The following GRID2 variants were observed in gnomAD, a reference collection of about 807,000 sequenced individuals.
The protein encoded by GRID2 is glutamate receptor ionotropic, delta-2.
Under a neutral mutation model 114.8 loss-of-function variants are expected in GRID2, and 33 were observed. The observed-to-expected ratio is 0.29, with a 90% confidence interval of 0.22 to 0.38. The LOEUF is 0.38. Among genes scored for constraint, GRID2 ranks in the 10% least tolerant of loss-of-function variants. GRID2 has a pLI of 1.00. For missense variants in GRID2, 1,184 were observed against 1,257.7 expected, an observed-to-expected ratio of 0.94 and a Z score of 0.89; for synonymous variants, 505 against 449.9, an observed-to-expected ratio of 1.12 and a Z score of -1.55.
intron 13 of GRID2, among the ~76,000 whole-genome samples, chr4:93,570,419 A>G (rs1188029133): frequency 1.3e-5 from 2 of 152,192 alleles, no homozygotes; most frequent in Admixed American, 6.6e-5. Context: ...AAGCTAAGTA[A>G]GATAAGTGGA....
intron 2 of GRID2, among the ~76,000 whole-genome samples, chr4:93,025,688 A>G (rs1723820816): frequency 6.6e-6 from 1 of 151,770 alleles, no homozygotes; most frequent in African/African-American, 2.4e-5. Flanking sequence ...AAGTAGCTTA[A>G]GAAGAATAAA....
intron 1 of GRID2, among the ~76,000 whole-genome samples, chr4:92,439,580 A>G (rs1732920053): frequency 6.7e-6 from 1 of 149,176 alleles, no homozygotes; most frequent in Admixed American, 6.7e-5. Context: ...AGCTGAAGGG[A>G]GGTCTTGTGG....
intron 4 of GRID2, among the ~76,000 whole-genome samples, chr4:93,145,671 T>C (rs1458191554): frequency 7.2e-6 from 1 of 139,306 alleles, no homozygotes; most frequent in African/African-American, 2.7e-5. Context: ...TTTTTTTTTT[T>C]TTTTAGTAGA....
chr4:92,597,849 A>G (rs2149216741), intron 2 of GRID2, among the ~76,000 whole-genome samples: 1 of 152,350 alleles, frequency 6.6e-6, no homozygotes, highest in Admixed American at 6.5e-5. Flanking sequence ...GTAATGAGAG[A>G]TCATTATGTA....
chr4:93,135,596 G>A (rs1008852207), intron 4 of GRID2, among the ~76,000 whole-genome samples: 3 of 152,032 alleles, frequency 2.0e-5, no homozygotes, highest in Non-Finnish European at 4.4e-5. Context: ...AATTAATAAA[G>A]GCTCCCAACT....
At chr4:93,096,705 C>T (rs1323456071) in intron 3 of GRID2, among the ~76,000 whole-genome samples, 1 of 152,008 alleles carries the variant, frequency 6.6e-6, no homozygotes, top group Non-Finnish European at 1.5e-5. Context: ...AATTGCACCT[C>T]TGATACTTTG....
intron 2 of GRID2, among the ~76,000 whole-genome samples, chr4:92,946,113 G>C (rs1319962533): frequency 6.6e-6 from 1 of 152,026 alleles, no homozygotes; most frequent in African/African-American, 2.4e-5. Context: ...ATATTTTCTA[G>C]TCCATATTCT....
chr4:93,666,763 T>G (rs1048240710), intron 14 of GRID2, among the ~76,000 whole-genome samples: 3 of 152,048 alleles, frequency 2.0e-5, no homozygotes, highest in African/African-American at 7.2e-5. Flanking sequence ...TAAGACTAAG[T>G]AGCTTCTCAG....
chr4:92,682,123 A>G (rs902180780), intron 2 of GRID2, among the ~76,000 whole-genome samples: 1 of 152,058 alleles, frequency 6.6e-6, no homozygotes, highest in Non-Finnish European at 1.5e-5. Flanking sequence ...GGCAAAAGGA[A>G]TAGAGAATGA....
chr4:93,733,999 C>G (rs77577158), intron 14 of GRID2, among the ~76,000 whole-genome samples: 195 of 152,106 alleles, frequency 1.3e-3, no homozygotes, highest in African/African-American at 4.5e-3. Context: ...CTATAAAGGT[C>G]CTTTAATCAT....
chr4:93,683,825 A>G (rs1212822957), intron 14 of GRID2, among the ~76,000 whole-genome samples: 1 of 152,086 alleles, frequency 6.6e-6, no homozygotes, highest in Non-Finnish European at 1.5e-5. Flanking sequence ...GGATTGTCCC[A>G]TATTATTATA....
intron 1 of GRID2, among the ~76,000 whole-genome samples, chr4:92,407,764 T>G (rs1231379947): frequency 1.3e-5 from 2 of 152,140 alleles, no homozygotes; most frequent in African/African-American, 2.4e-5. Context: ...ACTTTTCCCA[T>G]TTTTAAATTG....
chr4:92,610,665 C>A (rs915706877), intron 2 of GRID2, among the ~76,000 whole-genome samples: 3 of 151,630 alleles, frequency 2.0e-5, no homozygotes, highest in Non-Finnish European at 4.4e-5. Context: ...ATATGGCCAT[C>A]ACCAAAATCC....
At chr4:93,167,436 T>C (rs909504933) in intron 4 of GRID2, among the ~76,000 whole-genome samples, 8 of 152,170 alleles carry the variant, frequency 5.3e-5, no homozygotes, top group African/African-American at 1.9e-4. Context: ...GTTATTTTAG[T>C]AGTTCTCTAT....
chr4:93,500,841 T>C (rs745466242), intron 12 of GRID2, among the ~76,000 whole-genome samples: 22 of 151,994 alleles, frequency 1.4e-4, no homozygotes, highest in Non-Finnish European at 3.1e-4. Flanking sequence ...CTCACCTTTA[T>C]TTAGCCCTCT....
chr4:93,683,947 C>G (rs1725841563), intron 14 of GRID2, among the ~76,000 whole-genome samples: 1 of 151,858 alleles, frequency 6.6e-6, no homozygotes, highest in Non-Finnish European at 1.5e-5. Flanking sequence ...GGTATAGGGA[C>G]CACTGCAATG....
intron 1 of GRID2, among the ~76,000 whole-genome samples, chr4:92,532,995 G>A (rs1426036332): frequency 6.6e-6 from 1 of 152,016 alleles, no homozygotes; most frequent in African/African-American, 2.4e-5. Flanking sequence ...GCTTGCTTGA[G>A]CTCAAAAATT....
intron 13 of GRID2, among the ~76,000 whole-genome samples, chr4:93,529,082 G>A (rs898242008): frequency 6.6e-6 from 1 of 152,136 alleles, no homozygotes; most frequent in South Asian, 2.1e-4. Context: ...ACTTAAGTCT[G>A]TAATGTCCTC....
chr4:92,899,835 GC>G (rs1343662473), intron 2 of GRID2, among the ~76,000 whole-genome samples: 1 of 152,136 alleles, frequency 6.6e-6, no homozygotes, highest in Admixed American at 6.6e-5. Flanking sequence ...ACATTTTATA[GC>G]CTGATGGAAG....
Sources: gnomAD v4.1 joint callset for allele counts (sites outside exome capture counted in the v4.1 genomes callset) on GRCh38, gnomAD v4.1.1 for gene constraint, MANE v1.5 for transcripts, NCBI Gene and HGNC (gene_info 2026-07-23, HGNC 2026-07-21) for gene names.